MAP3K14: variants seen among roughly 807,000 people sequenced by gnomAD.
The protein encoded by MAP3K14 is mitogen-activated protein kinase kinase kinase 14.
A neutral mutation model predicts 99.2 loss-of-function variants in MAP3K14; 16 were observed. That is an observed-to-expected ratio of 0.16 (90% CI 0.11 to 0.24). MAP3K14 has a LOEUF of 0.24. MAP3K14 is among the 10% of genes least tolerant of loss of function. The probability of loss-of-function intolerance (pLI) is 1.00; values close to 1 mark genes in which losing one functional copy is unlikely to be tolerated. For missense variants in MAP3K14, 784 were observed against 1,208.7 expected (o/e 0.65, Z 5.21); for synonymous variants, 462 against 492.4 (o/e 0.94, Z 0.82).
chr17:45,268,328 C>A (rs192224076), intron 11 of MAP3K14: 1 of 152,308 alleles, frequency 6.6e-6, no homozygotes, highest in East Asian at 1.9e-4. Context: ...GTGCCCATCC[C>A]TCAGGTGACA....
intron 6 of MAP3K14, among the ~76,000 whole-genome samples, chr17:45,276,244 G>A (rs1231911708): frequency 6.6e-6 from 1 of 152,212 alleles, no homozygotes; most frequent in Non-Finnish European, 1.5e-5. Context: ...TTTCTGCAGG[G>A]ACCAGCAACT....
Position 45,307,277 on chromosome 17 carries a change from T to A in MAP3K14, c.-21+9683A>T, listed in dbSNP as rs540780651. Among the ~76,000 whole-genome samples, 231 of 151,710 alleles carry A rather than the reference T, an allele frequency of 1.5e-3. 1 individual carries two copies. Among genetic ancestry groups the A allele is most frequent in the African/African-American group, 5.2e-3 (216 of 41,376 alleles). ...TGTCTCAAAAAATTAAAAAAAAAAA[T>A]TAATTAATTAATTAATTAAAAAAAT... On this transcript the variant is annotated intron_variant, in intron 1 of 15. Coordinates refer to ENST00000344686, the MANE Select transcript of MAP3K14 (RefSeq NM_003954.5).
chr17:45,290,482 G>T lies in MAP3K14; in HGVS notation c.256+8C>A. ...TGCCCCGTGCCCACAACAACCCTAG[G>T]CCCCTACACTCAGCCTGGGCGATGA... On this transcript the variant is annotated splice_region_variant and intron_variant, in intron 2 of 15. Transcript: ENST00000344686. The T allele has an allele frequency of 1.2e-6, 2 of 1,613,638 alleles. No individual in the cohort carries two copies. Among genetic ancestry groups the T allele is most frequent in the South Asian group, 2.2e-5 (2 of 91,070 alleles).
chr17:45,276,155 G>C (rs1158557082), intron 6 of MAP3K14, among the ~76,000 whole-genome samples: 1 of 152,158 alleles, frequency 6.6e-6, no homozygotes, highest in African/African-American at 2.4e-5. Flanking sequence ...GGGAACTTAA[G>C]GAGGCTTCTG....
At chr17:45,273,792 G>A (rs1304325772) in intron 8 of MAP3K14, 185 bp from the exon 9 acceptor site, 2 of 684,466 alleles carry the variant, frequency 2.9e-6, no homozygotes, top group Non-Finnish European at 5.4e-6. Flanking sequence ...CAGGCTAGAG[G>A]TAGGCAGGAT....
At chr17:45,296,208 T>A (rs1005674079) in intron 1 of MAP3K14, among the ~76,000 whole-genome samples, 2 of 152,120 alleles carry the variant, frequency 1.3e-5, no homozygotes, top group African/African-American at 2.4e-5. Context: ...CAGGCCACAA[T>A]AGGCAAACCT....
At chr17:45,266,230 G>A (rs2044080624) in intron 14 of MAP3K14, 1 of 303,092 alleles carries the variant, frequency 3.3e-6, no homozygotes, top group African/African-American at 2.1e-5. Flanking sequence ...GAGATTAATT[G>A]CTCATTTTCC....
intron 11 of MAP3K14, chr17:45,268,394 GTTGTT>G (rs1280709701): frequency 3.9e-5 from 6 of 152,204 alleles, no homozygotes; most frequent in East Asian, 1.9e-4. Context: ...CAAAATGTGC[GTTGTT>G]TTATTTATCA....
Position 45,307,029 on chromosome 17 carries a change from G to A in MAP3K14, c.-21+9931C>T, listed in dbSNP as rs536689468. 5.3e-5 allele frequency among the ~76,000 whole-genome samples: 8 copies of A among 152,278 alleles called. No individual in the cohort carries two copies. In the East Asian group the frequency reaches 1.3e-3, roughly 26 times the overall value. The stretch of plus-strand genomic sequence containing the variant: ...TCCTAGCACATTGGGAGGCCCAGGC[G>A]GGCGGACTGCCTGAGGTTGTGAGAT... On this transcript the variant is annotated intron_variant, in intron 1 of 15. Transcript: ENST00000344686.
chr17:45,285,934 AGAGT>A (rs2044260958), intron 5 of MAP3K14, among the ~76,000 whole-genome samples: 1 of 151,810 alleles, frequency 6.6e-6, no homozygotes, highest in Non-Finnish European at 1.5e-5. Flanking sequence ...CCTGGGTGAC[AGAGT>A]GAGACTCTGT....
chr17:45,304,010 C>CTTTTTT (rs1026894731), intron 1 of MAP3K14, among the ~76,000 whole-genome samples: 350 of 127,680 alleles, frequency 2.7e-3, no homozygotes, highest in East Asian at 6.6e-3. Context: ...CTTTTCTTTT[C>CTTTTTT]TTTTTTTTTT....
At position 45,270,692 on chromosome 17, in the gene MAP3K14, G is replaced by A. The variant is rs934266608; in HGVS notation, c.1822-129C>T. 4.6e-6 allele frequency: 6 copies of A among 1,306,024 alleles called. No individual in the cohort carries two copies. In the African/African-American group the frequency reaches 9.0e-5, roughly 20 times the overall value. The allele number at this position is 1,306,024 out of a possible 1,614,324, so 80.9% of individuals were successfully genotyped here. A position where few individuals can be genotyped will look rare whatever the true frequency, so the allele number is the denominator to read the frequency against. On this transcript the variant is annotated intron_variant, in intron 10 of 15. Coordinates refer to ENST00000344686, the MANE Select transcript of MAP3K14 (RefSeq NM_003954.5). ...GCTGGGGTCTACCACAAGGAATGGA[G>A]GGGTCTGGGCTACAGTGAGGGCACT...
chr17:45,300,955 C>T (rs1050220789), intron 1 of MAP3K14, among the ~76,000 whole-genome samples: 1 of 151,704 alleles, frequency 6.6e-6, no homozygotes, highest in Non-Finnish European at 1.5e-5. Context: ...TTGCTTGAGT[C>T]CAGGAGTTTG....
intron 1 of MAP3K14, among the ~76,000 whole-genome samples, chr17:45,293,289 T>C (rs1030677140): frequency 6.6e-6 from 1 of 152,218 alleles, no homozygotes; most frequent in African/African-American, 2.4e-5. Context: ...GTGGGGGCTC[T>C]GATAGCCTGT....
chr17:45,299,682 G>C (rs918915398), intron 1 of MAP3K14, among the ~76,000 whole-genome samples: 1 of 152,212 alleles, frequency 6.6e-6, no homozygotes, highest in African/African-American at 2.4e-5. Context: ...TCCCAGGAGA[G>C]TAATTTCTGA....
At chr17:45,312,646 A>G (rs758069034) in intron 1 of MAP3K14, among the ~76,000 whole-genome samples, 1 of 152,098 alleles carries the variant, frequency 6.6e-6, no homozygotes, top group African/African-American at 2.4e-5. Context: ...GGCTCAAGTG[A>G]TCCTCCCGCC....
chr17:45,266,831 C>A, intron 13 of MAP3K14, 150 bp from the exon 14 acceptor site: 1 of 841,322 alleles, frequency 1.2e-6, no homozygotes, highest in South Asian at 1.8e-5. Flanking sequence ...GGCCTGCCTC[C>A]CCATTATCTC....
chr17:45,304,231 T>TG (rs1279398799), intron 1 of MAP3K14, among the ~76,000 whole-genome samples: 1 of 152,062 alleles, frequency 6.6e-6, no homozygotes, highest in African/African-American at 2.4e-5. Flanking sequence ...CTTGAACTCC[T>TG]GACCTCAAAC....
intron 1 of MAP3K14, among the ~76,000 whole-genome samples, chr17:45,309,822 C>T (rs2143873339): frequency 6.6e-6 from 1 of 152,264 alleles, no homozygotes; most frequent in Middle Eastern, 3.4e-3. Context: ...CTGAACTGGA[C>T]AACACCCATC....
Sources: allele counts gnomAD v4.1 joint callset (sites outside exome capture counted in the v4.1 genomes callset), GRCh38; gene constraint gnomAD v4.1.1; transcripts MANE v1.5; gene names NCBI Gene and HGNC (gene_info 2026-07-23, HGNC 2026-07-21).